The following HOMER2 variants were observed in gnomAD, a reference collection of about 807,000 sequenced individuals.
HOMER2 encodes the protein homer scaffold protein 2, also known as homer protein homolog 2.
A neutral mutation model predicts 47.0 loss-of-function variants in HOMER2; 27 were observed. That is an observed-to-expected ratio of 0.57 (90% CI 0.42 to 0.79). The LOEUF (loss-of-function observed/expected upper bound fraction) is 0.79, where lower values mean the gene tolerates loss of function less well. Ranked by LOEUF, HOMER2 falls within the 30% of genes least tolerant of loss-of-function variation. The pLI is 0.00. For missense variants in HOMER2, 443 were observed against 435.0 expected (o/e 1.02, Z -0.16); for synonymous variants, 161 against 163.8 (o/e 0.98, Z 0.13).
intron 1 of HOMER2, among the ~76,000 whole-genome samples, chr15:82,985,222 A>G (rs2030549996): frequency 6.6e-6 from 1 of 152,238 alleles, no homozygotes; most frequent in South Asian, 2.1e-4. Flanking sequence ...GAAAATAAAA[A>G]AAGTTTTGAA....
chr15:82,938,675 C>G (rs1052108168), intron 1 of HOMER2, among the ~76,000 whole-genome samples: 1 of 152,194 alleles, frequency 6.6e-6, no homozygotes, highest in African/African-American at 2.4e-5. Context: ...ACTTCTCCAC[C>G]CGCTCCTCAC....
At chr15:82,897,294 G>C (rs544036111) in intron 1 of HOMER2, among the ~76,000 whole-genome samples, 146 of 152,114 alleles carry the variant, frequency 9.6e-4, no homozygotes, top group African/African-American at 3.4e-3. Context: ...TTGAACTCCT[G>C]ACCTCATGAT....
At chr15:82,966,986 G>A (rs1390130057) in intron 1 of HOMER2, among the ~76,000 whole-genome samples, 1 of 152,138 alleles carries the variant, frequency 6.6e-6, no homozygotes, top group African/African-American at 2.4e-5. Flanking sequence ...GGCTGGATAC[G>A]GTGGCTCACA....
At chr15:82,904,481 C>A (rs148303790) in intron 1 of HOMER2, among the ~76,000 whole-genome samples, 1 of 152,118 alleles carries the variant, frequency 6.6e-6, no homozygotes, top group African/African-American at 2.4e-5. Flanking sequence ...GAGAAAAATC[C>A]CCTCGTGCTT....
intron 2 of HOMER2, among the ~76,000 whole-genome samples, chr15:82,876,445 G>A (rs1268749212): frequency 2.0e-5 from 3 of 152,088 alleles, no homozygotes; most frequent in Non-Finnish European, 2.9e-5. Flanking sequence ...TCAGGAAGAG[G>A]GCAAAGACAT....
intron 1 of HOMER2, among the ~76,000 whole-genome samples, chr15:82,936,905 G>A (rs917805290): frequency 6.6e-6 from 1 of 152,112 alleles, no homozygotes; most frequent in Non-Finnish European, 1.5e-5. Context: ...GGGTGGGGGA[G>A]TCACAGATTA....
At chr15:82,940,484 C>T (rs1444566361) in intron 1 of HOMER2, among the ~76,000 whole-genome samples, 1 of 152,198 alleles carries the variant, frequency 6.6e-6, no homozygotes, top group Non-Finnish European at 1.5e-5. Flanking sequence ...TGGGTCACGC[C>T]TGTAATCCCA....
intron 1 of HOMER2, among the ~76,000 whole-genome samples, chr15:82,934,535 G>A (rs1440667052): frequency 6.6e-6 from 1 of 151,996 alleles, no homozygotes; most frequent in Non-Finnish European, 1.5e-5. Context: ...CCATCTCGCA[G>A]AGACCTCCAG....
At chr15:82,917,250 T>A (rs945746418) in intron 1 of HOMER2, among the ~76,000 whole-genome samples, 1 of 152,260 alleles carries the variant, frequency 6.6e-6, no homozygotes, top group East Asian at 1.9e-4. Flanking sequence ...AAGTAATTTA[T>A]TTCCTCATTT....
At chr15:82,860,926 GAC>G (rs1567018813) in intron 4 of HOMER2, among the ~76,000 whole-genome samples, 130 of 100,780 alleles carry the variant, frequency 1.3e-3, no homozygotes, top group African/African-American at 4.1e-3. Flanking sequence ...GACACAGTGA[GAC>G]TCTGTCTCAA....
chr15:82,981,995 G>A (rs748774015), intron 1 of HOMER2, among the ~76,000 whole-genome samples: 9 of 152,186 alleles, frequency 5.9e-5, no homozygotes, highest in Non-Finnish European at 1.0e-4. Context: ...GGTTAAAATG[G>A]TAATTTTTAT....
intron 1 of HOMER2, among the ~76,000 whole-genome samples, chr15:82,970,696 G>C (rs1171709842): frequency 2.0e-5 from 3 of 152,200 alleles, no homozygotes; most frequent in African/African-American, 7.2e-5. Context: ...TTGATATCTT[G>C]CTAGGTAAAT....
At chr15:82,904,439 G>A (rs1234518934) in intron 1 of HOMER2, among the ~76,000 whole-genome samples, 1 of 152,188 alleles carries the variant, frequency 6.6e-6, no homozygotes, top group African/African-American at 2.4e-5. Flanking sequence ...TTTACTTCCA[G>A]GAGTTTTACC....
At chr15:82,936,915 A>G (rs2054155251) in intron 1 of HOMER2, among the ~76,000 whole-genome samples, 1 of 151,836 alleles carries the variant, frequency 6.6e-6, no homozygotes, top group Admixed American at 6.6e-5. Context: ...GTCACAGATT[A>G]TAACAGATTA....
chr15:82,981,828 T>C (rs190725277), intron 1 of HOMER2, among the ~76,000 whole-genome samples: 1,657 of 152,100 alleles, frequency 0.011, 9 homozygotes, highest in Non-Finnish European at 0.017. Flanking sequence ...AGTAGAATGG[T>C]GGTTGCTAGG....
chr15:82,852,993 C>T (rs145763212), intron 6 of HOMER2, among the ~76,000 whole-genome samples: 1 of 152,238 alleles, frequency 6.6e-6, no homozygotes, highest in Admixed American at 6.5e-5. Context: ...GAGTGGACAG[C>T]AGGCGTGGAC....
chr15:82,836,665 C>G (rs1465588191), downstream of HOMER2, among the ~76,000 whole-genome samples: 1 of 152,224 alleles, frequency 6.6e-6, no homozygotes, highest in African/African-American at 2.4e-5. Context: ...TACAGCCAAT[C>G]CTATGGATTG....
At position 82,849,435 on chromosome 15, in the gene HOMER2, G is replaced by C. The variant is rs566940182; in HGVS notation, c.*280C>G. ...TATGGTTGCAACAGCCCTTATGAAA[G>C]ATATAAACATCCCTGCCCTGACTGC... On this transcript the variant is annotated 3_prime_UTR_variant, in exon 9 of 9. Coordinates refer to ENST00000450735, the MANE Select transcript of HOMER2 (RefSeq NM_004839.4). 11 of 417,070 alleles carry C rather than the reference G, an allele frequency of 2.6e-5. No homozygotes were observed. The South Asian group carries it at 5.1e-4, about 19-fold the overall frequency. 25.8% of individuals were successfully genotyped at this position (417,070 alleles called of 1,614,324 possible).
In HOMER2 at chr15:82,854,800, G is replaced by T; in HGVS notation, c.495C>A (p.Ser165Arg). ...NDKLKIALTQ[S>R]AANVKKWEIE... Reference sequence around the variant, plus strand: ...TCTCCCACTTCTTCACGTTGGCTGCGCTGCAGGACAGGGACGGGCGGTGAC... The same window carrying T: ...TCTCCCACTTCTTCACGTTGGCTGCTCTGCAGGACAGGGACGGGCGGTGAC... The change falls in exon 6 of 9, where the codon AGC (serine) becomes AGA (arginine). Residue 165 changes from serine (S) to arginine (R), a missense_variant and splice_region_variant. Coordinates refer to ENST00000450735, the MANE Select transcript of HOMER2 (RefSeq NM_004839.4). 2 of 1,607,758 alleles carry T rather than the reference G, an allele frequency of 1.2e-6. No individual in the cohort carries two copies. The highest frequency in any genetic ancestry group is 1.7e-6 in the Non-Finnish European group (2 of 1,179,194).
Sources: gnomAD v4.1 joint callset for allele counts (sites outside exome capture counted in the v4.1 genomes callset) on GRCh38, gnomAD v4.1.1 for gene constraint, MANE v1.5 for transcripts, NCBI Gene and HGNC (gene_info 2026-07-23, HGNC 2026-07-21) for gene names.